SOX5: variants seen among roughly 807,000 people sequenced by gnomAD.
SOX5 encodes transcription factor SOX-5.
In SOX5, 9 loss-of-function variants were observed where a neutral mutation model predicts 92.0. The ratio of observed to expected loss-of-function variants is 0.10; its 90% confidence interval spans 0.06 to 0.17. The LOEUF (loss-of-function observed/expected upper bound fraction) is 0.17. Ranked by LOEUF, SOX5 falls within the 10% of genes least tolerant of loss-of-function variation. SOX5 has a pLI of 1.00. For synonymous variants in SOX5, 344 were observed against 336.3 expected (o/e 1.02, Z -0.25); for missense variants, 642 against 944.5 (o/e 0.68, Z 4.20).
chr12:24,263,542 A>AG (rs925633005), intron 3 of SOX5, among the ~76,000 whole-genome samples: 8 of 118,434 alleles, frequency 6.8e-5, no homozygotes, highest in African/African-American at 3.4e-4. Context: ...AAAAAAAAAC[A>AG]AAAAAAAAAA....
intron 1 of SOX5, among the ~76,000 whole-genome samples, chr12:24,473,650 CA>C (rs1185658430): frequency 1.3e-5 from 2 of 152,154 alleles, no homozygotes; most frequent in African/African-American, 2.4e-5. Flanking sequence ...TGCTGTTGAA[CA>C]AATTCAAATA....
intron 1 of SOX5, among the ~76,000 whole-genome samples, chr12:24,405,296 G>C (rs541593402): frequency 9.9e-5 from 15 of 152,236 alleles, no homozygotes; most frequent in African/African-American, 3.6e-4. Flanking sequence ...TTTATCATGG[G>C]GGGGTATACT....
At chr12:24,287,930 T>C (rs1946104197) in intron 2 of SOX5, among the ~76,000 whole-genome samples, 1 of 152,196 alleles carries the variant, frequency 6.6e-6, no homozygotes, top group African/African-American at 2.4e-5. Context: ...CTATAACAGA[T>C]CACACCCAGG....
intron 11 of SOX5, 119 bp from the exon 12 acceptor site, chr12:23,546,543 C>T (rs1943164158): frequency 3.2e-6 from 2 of 623,772 alleles, no homozygotes; most frequent in South Asian, 4.0e-5. Context: ...TTGATATATT[C>T]ACCTTTTTAC....
At chr12:23,673,576 A>G (rs1415510013) in intron 6 of SOX5, among the ~76,000 whole-genome samples, 1 of 152,154 alleles carries the variant, frequency 6.6e-6, no homozygotes, top group African/African-American at 2.4e-5. Context: ...TTAGGTATCC[A>G]TGATTAGAAA....
chr12:24,203,276 C>T (rs1957710157), intron 4 of SOX5, among the ~76,000 whole-genome samples: 1 of 152,198 alleles, frequency 6.6e-6, no homozygotes, highest in South Asian at 2.1e-4. Context: ...TCATTGTTTA[C>T]TCCTTCCCTA....
Position 24,320,335 on chromosome 12 carries a change from T to C in SOX5, c.-173-43023A>G, listed in dbSNP as rs74913537. 9.8e-3 allele frequency among the ~76,000 whole-genome samples: 1,487 copies of C among 152,300 alleles called. 25 individuals carry two copies. The highest frequency in any genetic ancestry group is 0.034 in the African/African-American group (1,401 of 41,570). ...CCAAGTTTTCCTTTATAGGTCTTAT[T>C]TTTAGCTCCTCAATATTGAACTCTT... On this transcript the variant is annotated intron_variant, in intron 2 of 4. Coordinates refer to the SOX5 transcript ENST00000446891.
intron 4 of SOX5, among the ~76,000 whole-genome samples, chr12:24,000,722 G>GCATGAAATACAA (rs1951517164): frequency 6.6e-6 from 1 of 152,092 alleles, no homozygotes; most frequent in African/African-American, 2.4e-5. Flanking sequence ...ATTAAATACA[G>GCATGAAATACAA]ATGCATGAAA....
rs140041206 is a variant in SOX5 at position 23,982,686 on chromosome 12, G to A, written c.-1-86662C>T. On this transcript the variant is annotated intron_variant, in intron 4 of 4. Transcript: ENST00000446891. Reference sequence around the variant, plus strand: ...GATACACAAATCACATATATATTATGTTTGTGTTTTCTAAGTAGTAACATT... The same window carrying A: ...GATACACAAATCACATATATATTATATTTGTGTTTTCTAAGTAGTAACATT... Among the ~76,000 whole-genome samples the A allele has an allele frequency of 1.8e-3, 278 of 151,948 alleles. 4 individuals carry two copies. The highest frequency in any genetic ancestry group is 3.1e-3 in the South Asian group (15 of 4,810).
chr12:24,105,577 C>T (rs1056572707), intron 4 of SOX5, among the ~76,000 whole-genome samples: 1 of 152,064 alleles, frequency 6.6e-6, no homozygotes, highest in African/African-American at 2.4e-5. Flanking sequence ...CAAACAAACC[C>T]ATTTTGCTTT....
intron 1 of SOX5, among the ~76,000 whole-genome samples, chr12:24,414,363 A>G (rs1964645414): frequency 6.6e-6 from 1 of 152,212 alleles, no homozygotes; most frequent in Admixed American, 6.5e-5. Flanking sequence ...ATTGGGGGAA[A>G]AAAAATCAGC....
At chr12:24,053,176 ACG>A (rs201175182) in intron 4 of SOX5, among the ~76,000 whole-genome samples, 3,338 of 143,572 alleles carry the variant, frequency 0.023, 127 homozygotes, top group African/African-American at 0.08. Flanking sequence ...ATGCTACTGC[ACG>A]CCCCCCCCCT....
chr12:24,294,452 T>C (rs576580855), intron 2 of SOX5, among the ~76,000 whole-genome samples: 2 of 152,300 alleles, frequency 1.3e-5, no homozygotes, highest in Admixed American at 6.5e-5. Context: ...TAAAGCACTT[T>C]AGTTTCTTGT....
Position 23,533,612 on chromosome 12 carries a change from C to T in SOX5, c.*607G>A, listed in dbSNP as rs1939553455. ...AGTTAAAAACAGGCTCTTTTTCCCT[C>T]TTTCCCCTCATGCACAGACTTCCAT... On this transcript the variant is annotated 3_prime_UTR_variant, in exon 15 of 15. Transcript: ENST00000451604. 6.5e-6 allele frequency: 1 copy of T among 153,810 alleles called. No homozygotes were observed. Among genetic ancestry groups the T allele is most frequent in the African/African-American group, 2.4e-5 (1 of 41,422 alleles). The allele number at this position is 153,810 out of a possible 1,614,324, so 9.5% of individuals were successfully genotyped here.
chr12:24,303,487 G>C (rs565993637), intron 2 of SOX5, among the ~76,000 whole-genome samples: 163 of 152,250 alleles, frequency 1.1e-3, no homozygotes, highest in African/African-American at 3.6e-3. Context: ...ATATAGCACA[G>C]TATCTAAACA....
intron 2 of SOX5, among the ~76,000 whole-genome samples, chr12:24,344,666 G>C (rs1386347373): frequency 6.6e-6 from 1 of 152,208 alleles, no homozygotes; most frequent in African/African-American, 2.4e-5. Context: ...GAATTTGCCA[G>C]CTGAAAGGGA....
intron 1 of SOX5, among the ~76,000 whole-genome samples, chr12:24,386,398 G>A (rs1958419683): frequency 1.3e-5 from 2 of 152,040 alleles, no homozygotes; most frequent in South Asian, 2.1e-4. Context: ...CAGGCCCTGT[G>A]TATTATATGT....
At chr12:23,724,428 C>T (rs531590049) in intron 6 of SOX5, among the ~76,000 whole-genome samples, 14 of 152,146 alleles carry the variant, frequency 9.2e-5, no homozygotes, top group Non-Finnish European at 1.9e-4. Context: ...GCTCCTTCTT[C>T]TTACCAGTAC....
chr12:23,916,224 T>C (rs1248556168), intron 1 of SOX5, among the ~76,000 whole-genome samples: 1 of 152,226 alleles, frequency 6.6e-6, no homozygotes. Flanking sequence ...AAAATGACCA[T>C]GTTGTTCATC....
Sources: gnomAD v4.1 joint callset for allele counts (sites outside exome capture counted in the v4.1 genomes callset) on GRCh38, gnomAD v4.1.1 for gene constraint, MANE v1.5 for transcripts, NCBI Gene and HGNC (gene_info 2026-07-23, HGNC 2026-07-21) for gene names.